The following MZF1 variants were observed in gnomAD, a reference collection of about 807,000 sequenced individuals.
The protein encoded by MZF1 is zinc finger and SCAN domain-containing protein 6.
A neutral mutation model predicts 28.6 loss-of-function variants in MZF1; 24 were observed. The ratio of observed to expected loss-of-function variants is 0.84; its 90% CI spans 0.61 to 1.18. MZF1 has a LOEUF of 1.18. MZF1 is among the 50% of genes most tolerant of loss of function. The probability of loss-of-function intolerance (pLI) is 0.00; values close to 1 mark genes in which losing one functional copy is unlikely to be tolerated. For synonymous variants in MZF1, 516 were observed against 432.5 expected, an observed-to-expected ratio of 1.19 and a Z score of -2.40; for missense variants, 1,166 against 1,026.4, an observed-to-expected ratio of 1.14 and a Z score of -1.86.
At chr19:58,570,635 T>TA in intron 2 of MZF1, 108 bp from the exon 3 acceptor site, 1 of 1,236,690 alleles carries the variant, frequency 8.1e-7, no homozygotes, top group South Asian at 1.5e-5. Context: ...GCCTGCCTTG[T>TA]AAATACCTAC....
Position 58,562,458 on chromosome 19 carries a change from T to A in MZF1, c.1819A>T (p.Ser607Cys). 6.2e-7 allele frequency: 1 copy of A among 1,600,220 alleles called. No homozygotes were observed. The highest frequency in any genetic ancestry group is 2.3e-5 in the East Asian group (1 of 43,976). The change falls in exon 6 of 6, where the codon AGC becomes TGC. Residue 607 changes from serine (S) to cysteine (C), a missense_variant. Ser to Cys is a moderately radical substitution (Grantham distance 112, BLOSUM62 -1). Transcript: ENST00000215057. ...FACPECGQRFSQRLKLTRHQR... is the reference protein window; with the variant it reads ...FACPECGQRFCQRLKLTRHQR... ...TGACGCGTGAGCTTGAGGCGCTGGC[T>A]GAAGCGCTGGCCACACTCGGGGCAG... is the stretch of plus-strand genomic sequence containing the variant.
In MZF1 at chr19:58,563,401, G is replaced by T. The variant is rs1408225353; in HGVS notation, c.876C>A (p.Ile292=). 2 of 1,597,798 alleles carry T rather than the reference G, an allele frequency of 1.3e-6. No individual in the cohort carries two copies. Among genetic ancestry groups the T allele is most frequent in the Non-Finnish European group, 8.5e-7 (1 of 1,172,200 alleles). Reference sequence around the variant, plus strand: ...AGCCACCTTCGCGGGAGGGTGATTGGATCTGGCCAGAAAGGCCAGCCATGC... The same window carrying T: ...AGCCACCTTCGCGGGAGGGTGATTGTATCTGGCCAGAAAGGCCAGCCATGC... ...DLGMAGLSGQ[I]QSPSREGGFA... is the part of the protein sequence containing the mutation. The change falls in exon 6 of 6, where the codon ATC becomes ATA. Residue 292 remains isoleucine (I), a synonymous_variant. Coordinates refer to ENST00000215057, the MANE Select transcript of MZF1 (RefSeq NM_198055.2).
chr19:58,569,554 G>A lies in MZF1; in HGVS notation c.613C>T (p.Gln205Ter). Residue 205 changes from glutamine (Q) to a stop codon, truncating the protein, a stop_gained, in exon 4 of 6, where the codon CAG becomes TAG. Coordinates refer to ENST00000215057, the MANE Select transcript of MZF1 (RefSeq NM_198055.2). LOFTEE classifies it high-confidence loss of function. Reference protein sequence around the residue: ...FLESGPLAATQESVPTLLPEE... With the variant: ...FLESGPLAAT ...GGCAGGAGGGTGGGTACAGACTCCT[G>A]GGTGGCAGCTAGAGGCCCAGACTCC... The A allele has an allele frequency of 6.2e-7, 1 of 1,608,150 alleles. No individual in the cohort carries two copies. Among genetic ancestry groups the A allele is most frequent in the Non-Finnish European group, 8.5e-7 (1 of 1,176,122 alleles).
intron 2 of MZF1, 96 bp downstream of exon 2, chr19:58,570,898 G>T: frequency 7.3e-7 from 1 of 1,369,666 alleles, no homozygotes; most frequent in Non-Finnish European, 1.0e-6. Flanking sequence ...GTACCACAAG[G>T]GAGAACGTGT....
Position 58,562,863 on chromosome 19 carries a change from G to A in MZF1, c.1414C>T (p.Pro472Ser). ...HGDPPGPGAK[P>S]PAPPGAPEPP... ...TCGGGCGCACCAGGAGGGGCCGGGG[G>A]CTTAGCGCCAGGGCCCGGGGGATCG... Residue 472 changes from proline (P) to serine (S), a missense_variant, in exon 6 of 6, where the codon CCC becomes TCC. Pro to Ser is a moderately conservative substitution (Grantham distance 74). Transcript: ENST00000215057. The A allele has an allele frequency of 6.5e-7, 1 of 1,545,516 alleles. No individual in the cohort carries two copies. Among genetic ancestry groups the A allele is most frequent in the Non-Finnish European group, 8.7e-7 (1 of 1,152,262 alleles).
rs1197431213 is a variant in MZF1, at chr19:58,562,468, G to A, written c.1809C>T (p.Gly603=). 1.9e-6 allele frequency: 3 copies of A among 1,611,558 alleles called. No individual in the cohort carries two copies. In the African/African-American group the frequency reaches 4.0e-5, roughly 22 times the overall value. ...GCTTGAGGCGCTGGCTGAAGCGCTG[G>A]CCACACTCGGGGCAGGCAAAGGGTT... ...GEKPFACPEC[G]QRFSQRLKLT... Residue 603 remains glycine, a synonymous_variant, in exon 6 of 6, where the codon GGC becomes GGT. Transcript: ENST00000215057.
At position 58,569,381 on chromosome 19, in the gene MZF1, A is replaced by G; in HGVS notation, c.668T>C (p.Leu223Pro). 1 of 1,614,068 alleles carries G rather than the reference A, an allele frequency of 6.2e-7. No individual in the cohort carries two copies. Among genetic ancestry groups the G allele is most frequent in the Non-Finnish European group, 8.5e-7 (1 of 1,179,968 alleles). Reference protein sequence around the residue: ...PEEAQRCGTVLDQIFPHSKTG... With the variant: ...PEEAQRCGTVPDQIFPHSKTG... Reference sequence around the variant, plus strand: ...CTTGCTGTGGGGAAAGATCTGGTCCAGCACGGTCCCACATCTCTGAAATCA... The same window carrying G: ...CTTGCTGTGGGGAAAGATCTGGTCCGGCACGGTCCCACATCTCTGAAATCA... The change falls in exon 5 of 6, where the codon CTG becomes CCG. Residue 223 changes from leucine to proline, a missense_variant. Physicochemically the swap from Leu to Pro is moderately conservative, Grantham distance 98. Transcript: ENST00000215057.
intron 4 of MZF1, 39 bp from the exon 5 acceptor site, chr19:58,569,436 G>C: frequency 6.2e-7 from 1 of 1,613,964 alleles, no homozygotes; most frequent in Non-Finnish European, 8.5e-7. Flanking sequence ...GTGCCTGGCT[G>C]GGCTCAGGGA....
At chr19:58,567,618 G>T (rs2054082819) in intron 5 of MZF1, among the ~76,000 whole-genome samples, 1 of 152,150 alleles carries the variant, frequency 6.6e-6, no homozygotes, top group Non-Finnish European at 1.5e-5. Context: ...TTGCCCTATG[G>T]ATCTGTTTGC....
In MZF1 at chr19:58,562,377, A is replaced by ACAC; in HGVS notation, c.1899_1900insGTG (p.Gly633_Phe634insVal). The ACAC allele has an allele frequency of 6.2e-7, 1 of 1,609,002 alleles. No individual in the cohort carries two copies. The highest frequency in any genetic ancestry group is 2.2e-5 in the East Asian group (1 of 44,680). ...TCGGTGAGCCGCGAGACCTGCGTGA[A>ACAC]GCCCAGGCCGCACTCACCGCAGTGG... On this transcript the variant is annotated inframe_insertion, in exon 6 of 6. Coordinates refer to ENST00000215057, the MANE Select transcript of MZF1 (RefSeq NM_198055.2).
In MZF1 at chr19:58,569,316, C is replaced by T. The variant is rs1568684158; in HGVS notation, c.733G>A (p.Ala245Thr). 6.2e-7 allele frequency: 1 copy of T among 1,612,770 alleles called. No homozygotes were observed. Among genetic ancestry groups the T allele is most frequent in the Admixed American group, 1.7e-5 (1 of 59,898 alleles). ...CCCCCAGCTTCCTCATGCCACAGGGCCCTGGGGTGCTCCCTCCATGAGGGA... is the reference window on the plus strand; with the variant it reads ...CCCCCAGCTTCCTCATGCCACAGGGTCCTGGGGTGCTCCCTCCATGAGGGA... Reference protein sequence around the residue: ...EGPSWREHPRALWHEEAGGIF... With the variant: ...EGPSWREHPRTLWHEEAGGIF... Residue 245 changes from alanine to threonine, a missense_variant, in exon 5 of 6, where the codon GCC becomes ACC. Ala to Thr is a moderately conservative substitution (Grantham distance 58). Coordinates refer to ENST00000215057, the MANE Select transcript of MZF1 (RefSeq NM_198055.2).
chr19:58,565,587 T>C (rs535728415), intron 5 of MZF1, among the ~76,000 whole-genome samples: 66 of 151,184 alleles, frequency 4.4e-4, no homozygotes, highest in African/African-American at 1.3e-3. Context: ...GGCTGGAGTG[T>C]AGTGGCGCCA....
chr19:58,573,526 CGATGCTTTCCGGCA>C (rs1444431190), upstream of MZF1: 1 of 152,322 alleles, frequency 6.6e-6, no homozygotes, highest in Non-Finnish European at 1.5e-5. Context: ...AGGCTTGGCC[CGATGCTTTCCGGCA>C]GATGTAGTCA....
At position 58,563,261 on chromosome 19, in the gene MZF1, C is replaced by A. The variant is rs752216868; in HGVS notation, c.1016G>T (p.Arg339Met). ...ALITTRWRSP[R>M]GRSRGRPSTG... ...GCTGGGGCGGCCCCGGCTCCGGCCC[C>A]TGGGGGAGCGCCAGCGGGTGGTGAT... The change falls in exon 6 of 6, where the codon AGG becomes ATG. Residue 339 changes from arginine (R) to methionine (M), a missense_variant. Arg to Met is a moderately conservative substitution (Grantham distance 91). Coordinates refer to ENST00000215057, the MANE Select transcript of MZF1 (RefSeq NM_198055.2). The A allele has an allele frequency of 8.7e-6, 14 of 1,607,330 alleles. No individual in the cohort carries two copies. In the African/African-American group the frequency reaches 1.7e-4, roughly 20 times the overall value.
In MZF1 at chr19:58,571,108, GC is replaced by G. The variant is rs750665579; in HGVS notation, c.281del (p.Gly94AlafsTer25). 2 of 1,613,804 alleles carry G rather than the reference GC, an allele frequency of 1.2e-6. No homozygotes were observed. Among genetic ancestry groups the G allele is most frequent in the African/African-American group, 1.3e-5 (1 of 74,938 alleles). ...GGGCCTGGATCTCAGGGGGCAGTGCGCCCAGGAACTGCTCCAGCACCAACAG... is the reference window on the plus strand; with the variant it reads ...GGGCCTGGATCTCAGGGGGCAGTGCGCCAGGAACTGCTCCAGCACCAACAG... The part of the protein sequence containing the change: ...LELLVLEQFL[G>X]ALPPEIQARV... On this transcript the variant is annotated frameshift_variant, in exon 2 of 6. Coordinates refer to ENST00000215057, the MANE Select transcript of MZF1 (RefSeq NM_198055.2). LOFTEE classifies it high-confidence loss of function.
chr19:58,562,667 C>T lies in MZF1; in HGVS notation c.1610G>A (p.Gly537Asp). 1.3e-6 allele frequency: 2 copies of T among 1,542,388 alleles called. No homozygotes were observed. Among genetic ancestry groups the T allele is most frequent in the Non-Finnish European group, 1.7e-6 (2 of 1,150,124 alleles). The change falls in exon 6 of 6, where the codon GGC (glycine) becomes GAC (aspartate). Residue 537 changes from glycine to aspartate, a missense_variant. Physicochemically the swap from Gly to Asp is moderately conservative, Grantham distance 94. Coordinates refer to ENST00000215057, the MANE Select transcript of MZF1 (RefSeq NM_198055.2). ...VLLQHRRVHS[G>D]ERPFACAECG... ...CTCGGCACAGGCGAAGGGCCGCTCGCCACTGTGCACGCGCCGGTGCTGCAG... is the reference window on the plus strand; with the variant it reads ...CTCGGCACAGGCGAAGGGCCGCTCGTCACTGTGCACGCGCCGGTGCTGCAG...
rs560478847 is a variant in MZF1, at chr19:58,563,307, G to A, written c.970C>T (p.Arg324Trp). The change falls in exon 6 of 6, where the codon CGG becomes TGG. Residue 324 changes from arginine to tryptophan, a missense_variant. Physicochemically the swap from Arg to Trp is moderately radical, Grantham distance 101. Transcript: ENST00000215057. ...EQDPTDEDPCRGVGPALITTR... is the reference protein window; with the variant it reads ...EQDPTDEDPCWGVGPALITTR... ...GTGATCAGAGCAGGGCCCACACCCC[G>A]GCAGGGATCCTCGTCCGTGGGGTCC... 5.0e-6 allele frequency: 8 copies of A among 1,608,632 alleles called. No individual in the cohort carries two copies. Among genetic ancestry groups the A allele is most frequent in the Middle Eastern group, 1.7e-4 (1 of 6,052 alleles).
chr19:58,569,588 T>C lies in MZF1; in HGVS notation c.581-2A>G, dbSNP rs749902208. ...CTAGAGGCCCAGACTCCAGGAAATC[T>C]AGAGAGGAAAACTGGTATCAGGCAG... On this transcript the variant is annotated splice_acceptor_variant, in intron 3 of 5. Coordinates refer to ENST00000215057, the MANE Select transcript of MZF1 (RefSeq NM_198055.2). LOFTEE classifies it high-confidence loss of function. 6.3e-7 allele frequency: 1 copy of C among 1,598,406 alleles called. No homozygotes were observed. Among genetic ancestry groups the C allele is most frequent in the South Asian group, 1.1e-5 (1 of 89,498 alleles).
Position 58,563,066 on chromosome 19 carries a change from A to G in MZF1, c.1211T>C (p.Leu404Pro). Residue 404 changes from leucine to proline, a missense_variant, in exon 6 of 6, where the codon CTT (leucine) becomes CCT (proline). Physicochemically the swap from Leu to Pro is moderately conservative, Grantham distance 98. Transcript: ENST00000215057. ...GAACGGCCGCTCCTCGGTGTGCGTA[A>G]GCTGGTGGCGCAGCAGGTGCGAGCT... ...SRSSHLLRHQ[L>P]THTEERPFVC... The G allele has an allele frequency of 6.2e-7, 1 of 1,603,362 alleles. No individual in the cohort carries two copies. Among genetic ancestry groups the G allele is most frequent in the African/African-American group, 1.3e-5 (1 of 74,982 alleles).
Sources: gnomAD v4.1 joint callset for allele counts (sites outside exome capture counted in the v4.1 genomes callset) on GRCh38, gnomAD v4.1.1 for gene constraint, MANE v1.5 for transcripts, NCBI Gene and HGNC (gene_info 2026-07-23, HGNC 2026-07-21) for gene names.